The following CACNA1C variants were observed in gnomAD, a reference collection of about 807,000 sequenced individuals.
CACNA1C encodes the protein calcium voltage-gated channel subunit alpha1 C, also known as voltage-dependent L-type calcium channel subunit alpha-1C.
CACNA1C carries 30 observed loss-of-function variants against 229.0 expected under a neutral mutation model. The observed-to-expected ratio is 0.13, with a 90% confidence interval of 0.10 to 0.18. The LOEUF is 0.18. Among genes scored for constraint, CACNA1C ranks in the 10% least tolerant of loss-of-function variants. The probability of loss-of-function intolerance (pLI) is 1.00; values close to 1 mark genes in which losing one functional copy is unlikely to be tolerated. For synonymous variants in CACNA1C, 1,114 were observed against 1,132.5 expected, an observed-to-expected ratio of 0.98 and a Z score of 0.33; for missense variants, 1,658 against 2,845.0, an observed-to-expected ratio of 0.58 and a Z score of 9.49.
rs192787175 is a variant in CACNA1C, at chr12:2,530,904, G to A, written c.1390+17920G>A. On this transcript the variant is annotated intron_variant, in intron 9 of 46. Transcript: ENST00000399655. ...ATCTTTAGGGGGTGGCCCTGAGAATGCTGTATCCCTTCCAGTAAGAGTACC... is the reference window on the plus strand; with the variant it reads ...ATCTTTAGGGGGTGGCCCTGAGAATACTGTATCCCTTCCAGTAAGAGTACC... Among the ~76,000 whole-genome samples the A allele has an allele frequency of 1.2e-4, 19 of 152,348 alleles. No individual in the cohort carries two copies. In the South Asian group the frequency reaches 3.9e-3, roughly 32 times the overall value.
At chr12:2,259,046 T>G (rs1304322866) in intron 3 of CACNA1C, among the ~76,000 whole-genome samples, 1 of 152,240 alleles carries the variant, frequency 6.6e-6, no homozygotes, top group Non-Finnish European at 1.5e-5. Context: ...TAAGTGGAAG[T>G]CTTTCACCTG....
chr12:2,028,511 T>C (rs1224612028), intron 1 of CACNA1C, among the ~76,000 whole-genome samples: 1 of 152,174 alleles, frequency 6.6e-6, no homozygotes, highest in Non-Finnish European at 1.5e-5. Flanking sequence ...TCTTTTATTA[T>C]CCTATTTACT....
intron 3 of CACNA1C, among the ~76,000 whole-genome samples, chr12:2,337,233 G>T (rs1403478908): frequency 1.3e-5 from 2 of 152,198 alleles, no homozygotes; most frequent in Non-Finnish European, 2.9e-5. Flanking sequence ...TCCCTGAGAG[G>T]CCCTTCCCCT....
intron 9 of CACNA1C, among the ~76,000 whole-genome samples, chr12:2,539,154 T>C (rs146586284): frequency 6.6e-6 from 1 of 152,372 alleles, no homozygotes; most frequent in African/African-American, 2.4e-5. Context: ...CGTAGGGGTA[T>C]GTCGGTCAGT....
In CACNA1C at chr12:2,665,502, C is replaced by A. The variant is rs2302728; in HGVS notation, c.4399-79C>A. The A allele has an allele frequency of 0.71, 1,071,886 of 1,517,724 alleles. 385,268 individuals are homozygous for A. Among genetic ancestry groups the A allele is most frequent in the Admixed American group, 0.8 (46,374 of 57,930 alleles). 94.0% of individuals were successfully genotyped at this position (1,517,724 alleles called of 1,614,324 possible). ...AATGTTGGCTTCTGCCATCAGTAGG[C>A]CCCAGCTGGCAAGGGGGTTCCAGAG... On this transcript the variant is annotated intron_variant, in intron 35 of 46. Coordinates refer to ENST00000399655, the MANE Select transcript of CACNA1C (RefSeq NM_000719.7). This position sits in a 1 kb window ranked among gnomAD's most constrained non-coding sequence, Gnocchi z 5.9.
chr12:2,309,506 C>A (rs2095302756), intron 3 of CACNA1C, among the ~76,000 whole-genome samples: 1 of 152,098 alleles, frequency 6.6e-6, no homozygotes, highest in Non-Finnish European at 1.5e-5. Context: ...CACACACACA[C>A]ACACACACAG....
chr12:1,984,624 T>C (rs1593078667), intron 1 of CACNA1C, among the ~76,000 whole-genome samples: 2 of 152,040 alleles, frequency 1.3e-5, no homozygotes, highest in East Asian at 1.9e-4. Flanking sequence ...TTTAAAGAAT[T>C]TGAGAGGAGA....
At chr12:2,109,407 C>A (rs531535916) in intron 1 of CACNA1C, among the ~76,000 whole-genome samples, 2 of 152,130 alleles carry the variant, frequency 1.3e-5, no homozygotes, top group Admixed American at 6.6e-5. Flanking sequence ...TAGCAAAGGG[C>A]AGAGGGAAGA....
At chr12:2,384,777 A>G (rs922311343) in intron 3 of CACNA1C, among the ~76,000 whole-genome samples, 2 of 152,226 alleles carry the variant, frequency 1.3e-5, no homozygotes, top group African/African-American at 2.4e-5. Flanking sequence ...GATGAACTCC[A>G]TAGCAAGGCA....
At chr12:2,587,961 G>A (rs1013824089) in intron 18 of CACNA1C, among the ~76,000 whole-genome samples, 9 of 152,158 alleles carry the variant, frequency 5.9e-5, no homozygotes, top group African/African-American at 2.2e-4. Flanking sequence ...TCATCCAGGA[G>A]GTCCAAAGGG....
At chr12:2,052,750 T>A (rs1161663191), upstream of CACNA1C, among the ~76,000 whole-genome samples, 1 of 144,928 alleles carries the variant, frequency 6.9e-6, no homozygotes, top group Non-Finnish European at 1.5e-5. Context: ...GAGGGCTCGC[T>A]CGGGCGGCGC....
rs555372897 is a variant in CACNA1C at position 2,139,117 on chromosome 12, T to A, written c.477+18687T>A. 3.8e-4 allele frequency among the ~76,000 whole-genome samples: 58 copies of A among 151,330 alleles called. 4 individuals carry two copies. The South Asian group carries it at 0.012, about 31-fold the overall frequency. Reference sequence around the variant, plus strand: ...AGTTCCAGAGGCCAGAGTTTCAAAGTCCAGGTGTTAGTAGCATTGGTTCCT... The same window carrying A: ...AGTTCCAGAGGCCAGAGTTTCAAAGACCAGGTGTTAGTAGCATTGGTTCCT... On this transcript the variant is annotated intron_variant, in intron 3 of 46. Transcript: ENST00000399655.
chr12:2,106,833 C>T lies in CACNA1C; in HGVS notation c.50-8391C>T, dbSNP rs551117610. ...GGGGAGGGTTTCCACCTCAGCTGGG[C>T]GTCCTGAAGCCACTGGGCGCCCACC... is the stretch of plus-strand genomic sequence containing the variant. On this transcript the variant is annotated intron_variant, in intron 1 of 46. Coordinates refer to ENST00000399655, the MANE Select transcript of CACNA1C (RefSeq NM_000719.7). 2.2e-3 allele frequency among the ~76,000 whole-genome samples: 135 copies of T among 60,472 alleles called. 1 individual carries two copies. Among genetic ancestry groups the T allele is most frequent in the Middle Eastern group, 0.017 (1 of 58 alleles). The allele number at this position is 60,472 out of a possible 152,430, so 39.7% of individuals were successfully genotyped here. A position where few individuals can be genotyped will look rare whatever the true frequency, so the allele number is the denominator to read the frequency against.
chr12:2,121,298 C>T (rs965870430), intron 3 of CACNA1C, among the ~76,000 whole-genome samples: 2 of 152,192 alleles, frequency 1.3e-5, no homozygotes, highest in Non-Finnish European at 2.9e-5. Flanking sequence ...GAGATGGAAC[C>T]GTCCAATGAG....
chr12:2,485,972 AGCCTCAGTCTTCTCATCTAAACAACAGG>A, intron 5 of CACNA1C, 104 bp from the exon 6 acceptor site: 1 of 658,228 alleles, frequency 1.5e-6, no homozygotes, highest in Non-Finnish European at 2.4e-6. Flanking sequence ...TGTGGCTCTG[AGCCTCAGTCTTCTCATCTAAACAACAGG>A]GCTGGCAGTT....
chr12:2,113,199 T>A (rs1372158799), intron 1 of CACNA1C, among the ~76,000 whole-genome samples: 1 of 152,190 alleles, frequency 6.6e-6, no homozygotes, highest in Non-Finnish European at 1.5e-5. Flanking sequence ...GGATGAGGAA[T>A]CTGGTGAGGT....
chr12:2,661,822 T>G (rs576879210), intron 34 of CACNA1C, among the ~76,000 whole-genome samples: 10 of 152,326 alleles, frequency 6.6e-5, no homozygotes, highest in African/African-American at 1.9e-4. Context: ...AGTGGAAGAT[T>G]AAAAGATTAA....
intron 37 of CACNA1C, chr12:2,668,581 G>C: frequency 4.1e-6 from 1 of 246,822 alleles, no homozygotes; most frequent in East Asian, 9.2e-5. Flanking sequence ...CTGCTTCTGG[G>C]GAGGCCTCAG....
At position 2,677,017 on chromosome 12, in the gene CACNA1C, GAA is replaced by G. The variant is rs372244578; in HGVS notation, c.4829-68_4829-67del. 3 of 1,171,758 alleles carry G rather than the reference GAA, an allele frequency of 2.6e-6. No homozygotes were observed. The highest frequency in any genetic ancestry group is 3.6e-6 in the Non-Finnish European group (3 of 829,942). The allele number at this position is 1,171,758 out of a possible 1,614,324, so 72.6% of individuals were successfully genotyped here. ...AAAGTTTTAAAAAGTTTTGGATGCT[GAA>G]AAAAAAAATGAATGAAGTTCAACTG... On this transcript the variant is annotated intron_variant, in intron 39 of 46. Coordinates refer to ENST00000399655, the MANE Select transcript of CACNA1C (RefSeq NM_000719.7). The surrounding 1 kb of genome is among the most constrained non-coding windows in gnomAD (Gnocchi z 7.4).
Sources: gnomAD v4.1 joint callset for allele counts (sites outside exome capture counted in the v4.1 genomes callset) on GRCh38, gnomAD v4.1.1 for gene constraint, Gnocchi (gnomAD v3.1) non-coding constraint, MANE v1.5 for transcripts, NCBI Gene and HGNC (gene_info 2026-07-23, HGNC 2026-07-21) for gene names.